PRRC2C: variants seen among roughly 807,000 people sequenced by gnomAD.
The protein encoded by PRRC2C is proline rich coiled-coil 2C, also known as protein PRRC2C.
In PRRC2C, 72 loss-of-function variants were observed where a neutral mutation model predicts 317.2. That is an observed-to-expected ratio of 0.23 (90% confidence interval 0.19 to 0.28). PRRC2C has a LOEUF of 0.28. Among genes scored for constraint, PRRC2C ranks in the 10% least tolerant of loss-of-function variants. The probability of loss-of-function intolerance (pLI) is 1.00; values close to 1 mark genes in which losing one functional copy is unlikely to be tolerated. For missense variants in PRRC2C, 3,074 were observed against 3,459.7 expected (o/e 0.89, Z 2.80); for synonymous variants, 1,296 against 1,205.9 (o/e 1.07, Z -1.55).
At chr1:171,554,550 T>G (rs953273972) in intron 18 of PRRC2C, among the ~76,000 whole-genome samples, 8 of 152,218 alleles carry the variant, frequency 5.3e-5, no homozygotes, top group African/African-American at 1.7e-4. Context: ...TTGATGCAGT[T>G]TCTTCCTAGC....
chr1:171,512,928 A>T, intron 2 of PRRC2C, 67 bp from the exon 3 acceptor site: 2 of 1,374,412 alleles, frequency 1.5e-6, no homozygotes, highest in East Asian at 2.4e-5. Flanking sequence ...GTTTTTCTAT[A>T]TTGTTTGAGG....
At position 171,514,632 on chromosome 1, in the gene PRRC2C, T is replaced by A. The variant is rs1190795323; in HGVS notation, c.387T>A (p.Gly129=). The change falls in exon 4 of 35, where the codon GGT becomes GGA. Residue 129 remains glycine (G), a synonymous_variant. Transcript: ENST00000647382. ...AATCATGGGCCAGTAACAAGCAAGG[T>A]GGGCAAGGAGATGGTAAGTGGACAT... The part of the protein sequence containing the change: ...APKSWASNKQ[G]GQGDGIQVNS... The A allele has an allele frequency of 6.4e-7, 1 of 1,556,386 alleles. No homozygotes were observed. Among genetic ancestry groups the A allele is most frequent in the Non-Finnish European group, 8.7e-7 (1 of 1,149,918 alleles).
At chr1:171,590,080 C>T (rs948531016) in intron 34 of PRRC2C, among the ~76,000 whole-genome samples, 7 of 149,970 alleles carry the variant, frequency 4.7e-5, no homozygotes, top group Middle Eastern at 3.5e-3. Flanking sequence ...TATATGAAAA[C>T]TCTGGAATGG....
chr1:171,522,957 A>G (rs1673882265), intron 7 of PRRC2C, among the ~76,000 whole-genome samples: 1 of 150,804 alleles, frequency 6.6e-6, no homozygotes, highest in East Asian at 1.9e-4. Flanking sequence ...TTTTATTCAT[A>G]TCGTTATCCT....
Position 171,513,201 on chromosome 1 carries a change from C to T in PRRC2C, c.290+29C>T, listed in dbSNP as rs147919481. The T allele has an allele frequency of 5.1e-6, 8 of 1,578,898 alleles. No homozygotes were observed. The East Asian group carries it at 1.1e-4, about 22-fold the overall frequency. On this transcript the variant is annotated intron_variant, in intron 3 of 34. Transcript: ENST00000647382. ...AGTCAAAGTCTGTTAAAGAATGAAG[C>T]CCTTCCCCTTTCTTTGTAGGGAACT...
Position 171,540,343 on chromosome 1 carries a change from A to G in PRRC2C, c.2877A>G (p.Lys959=). ...TAACCAGCAGATGCATTGATTCAAA[A>G]GAACCAATAGAAAGGCCAGAGGAGA... ...PKVTSRCIDS[K]EPIERPEEKP... is the part of the protein sequence containing the mutation. Residue 959 remains lysine, a synonymous_variant, in exon 16 of 35, where the codon AAA becomes AAG. Transcript: ENST00000647382. 7 of 1,613,208 alleles carry G rather than the reference A, an allele frequency of 4.3e-6. No homozygotes were observed. Among genetic ancestry groups the G allele is most frequent in the Non-Finnish European group, 5.1e-6 (6 of 1,179,660 alleles).
rs751406653 is a variant in PRRC2C at position 171,522,217 on chromosome 1, A to C, written c.791A>C (p.His264Pro). The C allele has an allele frequency of 6.2e-7, 1 of 1,600,246 alleles. No homozygotes were observed. Among genetic ancestry groups the C allele is most frequent in the Non-Finnish European group, 8.6e-7 (1 of 1,168,866 alleles). ...CCGAGGATGACATATCCTCCTCTAC[A>C]TGGTCCCATGAGATTCCCACCTTCT... ...QYPRMTYPPL[H>P]GPMRFPPSLS... The change falls in exon 7 of 35, where the codon CAT (histidine) becomes CCT (proline). Residue 264 changes from histidine (H) to proline (P), a missense_variant. Physicochemically the swap from His to Pro is moderately conservative, Grantham distance 77. This residue lies in a region of PRRC2C where 237 missense variants were observed against 199.5 expected (regional missense o/e 1.19). Transcript: ENST00000647382.
intron 17 of PRRC2C, among the ~76,000 whole-genome samples, chr1:171,547,135 C>G (rs1679261748): frequency 6.6e-6 from 1 of 152,092 alleles, no homozygotes. Context: ...ACAGTAAAAA[C>G]AGATAAAAAC....
In PRRC2C at chr1:171,558,125, A is replaced by T; in HGVS notation, c.6013A>T (p.Asn2005Tyr). Reference sequence around the variant, plus strand: ...CAAGGTGGCCCCACCAGCTGTGCTGAATGATATCTCTAAGAAATGTAAGTT... The same window carrying T: ...CAAGGTGGCCCCACCAGCTGTGCTGTATGATATCTCTAAGAAATGTAAGTT... ...DNKVAPPAVL[N>Y]DISKKLGPIS... Residue 2005 changes from asparagine (N) to tyrosine (Y), a missense_variant, in exon 19 of 35, where the codon AAT becomes TAT. Asn to Tyr is a moderately radical substitution (Grantham distance 143). Coordinates refer to ENST00000647382, the MANE Select transcript of PRRC2C (RefSeq NM_001387844.1). 6.2e-7 allele frequency: 1 copy of T among 1,612,152 alleles called. No homozygotes were observed. Among genetic ancestry groups the T allele is most frequent in the Non-Finnish European group, 8.5e-7 (1 of 1,178,566 alleles).
chr1:171,533,011 T>A, intron 12 of PRRC2C, 50 bp downstream of exon 12: 1 of 1,467,448 alleles, frequency 6.8e-7, no homozygotes, highest in Non-Finnish European at 9.1e-7. Flanking sequence ...AAGAGCTTTA[T>A]GTTGGTTACA....
chr1:171,577,740 A>AAACTTT, intron 26 of PRRC2C, 103 bp downstream of exon 26: 1 of 916,928 alleles, frequency 1.1e-6, no homozygotes, highest in Non-Finnish European at 1.7e-6. Flanking sequence ...TAAGGCTCTT[A>AAACTTT]AAGTACATTG....
chr1:171,532,298 CAGAAAT>C, intron 11 of PRRC2C, 39 bp from the exon 12 acceptor site: 4 of 1,536,098 alleles, frequency 2.6e-6, no homozygotes, highest in Non-Finnish European at 2.6e-6. Flanking sequence ...CAGTGTTAGT[CAGAAAT>C]AGAGTTGTCA....
Position 171,540,267 on chromosome 1 carries a change from C to T in PRRC2C, c.2801C>T (p.Thr934Met), listed in dbSNP as rs763959079. 23 of 1,613,630 alleles carry T rather than the reference C, an allele frequency of 1.4e-5. No individual in the cohort carries two copies. Among genetic ancestry groups the T allele is most frequent in the African/African-American group, 2.7e-5 (2 of 74,858 alleles). The change falls in exon 16 of 35, where the codon ACG becomes ATG. Residue 934 changes from threonine (T) to methionine (M), a missense_variant. Transcript: ENST00000647382. ...AGTGTTTCCCATGGATCTAACCATA[C>T]GCAAAAACCAGACGAGCAGAGAAGT... ...KRSVSHGSNHTQKPDEQRSEP... is the reference protein window; with the variant it reads ...KRSVSHGSNHMQKPDEQRSEP...
intron 26 of PRRC2C, among the ~76,000 whole-genome samples, chr1:171,579,026 G>A (rs1384588917): frequency 2.0e-5 from 3 of 152,108 alleles, no homozygotes; most frequent in Non-Finnish European, 2.9e-5. Flanking sequence ...TAGAATTGCT[G>A]GTTCAATGGG....
At chr1:171,489,140 A>G (rs1005190168) in intron 1 of PRRC2C, among the ~76,000 whole-genome samples, 4 of 152,172 alleles carry the variant, frequency 2.6e-5, no homozygotes, top group African/African-American at 9.7e-5. Context: ...GAGGGTGAGA[A>G]ACACAAAAGA....
At position 171,506,850 on chromosome 1, in the gene PRRC2C, G is replaced by A. The variant is rs80128445; in HGVS notation, c.-57-5182G>A. 3.8e-3 allele frequency among the ~76,000 whole-genome samples: 585 copies of A among 152,090 alleles called. 3 individuals are homozygous for A. Among genetic ancestry groups the A allele is most frequent in the African/African-American group, 0.013 (534 of 41,492 alleles). ...TTTCTCTATGTTTTGATGTTTTCAT[G>A]TCTTTTGTGTCTCTATTTGTATTCA... is the stretch of plus-strand genomic sequence containing the variant. On this transcript the variant is annotated intron_variant, in intron 1 of 34. Coordinates refer to ENST00000647382, the MANE Select transcript of PRRC2C (RefSeq NM_001387844.1).
intron 24 of PRRC2C, among the ~76,000 whole-genome samples, chr1:171,573,159 G>A (rs1173441242): frequency 6.6e-6 from 1 of 152,102 alleles, no homozygotes; most frequent in Non-Finnish European, 1.5e-5. Context: ...AGAACCTATT[G>A]ACGACATTAA....
At chr1:171,559,089 T>C (rs528716440) in intron 19 of PRRC2C, among the ~76,000 whole-genome samples, 16 of 152,198 alleles carry the variant, frequency 1.1e-4, no homozygotes, top group Non-Finnish European at 5.9e-5. Flanking sequence ...CAAAGAAAAG[T>C]TTGAACCTAG....
Position 171,587,025 on chromosome 1 carries a change from C to T in PRRC2C, c.7772C>T (p.Ser2591Leu). ...LQQVTVPLPA[S>L]QLSLPNFGST... ...TAGGTTACAGTACCTTTACCAGCATCGCAGCTTTCCTTGCCTAATTTTGGA... is the reference window on the plus strand; with the variant it reads ...TAGGTTACAGTACCTTTACCAGCATTGCAGCTTTCCTTGCCTAATTTTGGA... Residue 2591 changes from serine (S) to leucine (L), a missense_variant, in exon 31 of 35, where the codon TCG becomes TTG. Physicochemically the swap from Ser to Leu is moderately radical, Grantham distance 145 (BLOSUM62 -2). Coordinates refer to ENST00000647382, the MANE Select transcript of PRRC2C (RefSeq NM_001387844.1). 1 of 1,608,274 alleles carries T rather than the reference C, an allele frequency of 6.2e-7. No homozygotes were observed. The highest frequency in any genetic ancestry group is 8.5e-7 in the Non-Finnish European group (1 of 1,176,880).
Sources: gnomAD v4.1 joint callset for allele counts (sites outside exome capture counted in the v4.1 genomes callset) on GRCh38, gnomAD v4.1.1 for gene constraint, gnomAD v4.1.1 regional missense constraint, MANE v1.5 for transcripts, NCBI Gene and HGNC (gene_info 2026-07-23, HGNC 2026-07-21) for gene names.